The following CALCRL variants were observed in gnomAD, a reference collection of about 807,000 sequenced individuals.
CALCRL encodes calcitonin receptor like receptor.
A neutral mutation model predicts 60.4 loss-of-function variants in CALCRL; 27 were observed. The observed-to-expected ratio is 0.45, with a 90% CI of 0.33 to 0.62. CALCRL has a LOEUF of 0.62. CALCRL is among the 20% of genes least tolerant of loss of function. CALCRL has a pLI of 0.03. For synonymous variants in CALCRL, 190 were observed against 182.6 expected (o/e 1.04, Z -0.33); for missense variants, 424 against 540.7 (o/e 0.78, Z 2.14).
intron 8 of CALCRL, among the ~76,000 whole-genome samples, chr2:187,376,153 C>T (rs926552803): frequency 3.3e-5 from 5 of 152,068 alleles, no homozygotes; most frequent in African/African-American, 1.2e-4. Flanking sequence ...TAGCTATGAA[C>T]CCAGTATAGG....
intron 1 of CALCRL, among the ~76,000 whole-genome samples, chr2:187,420,475 A>T (rs1030574034): frequency 2.7e-4 from 41 of 151,902 alleles, no homozygotes; most frequent in Admixed American, 3.9e-4. Context: ...AAAGAAAAAA[A>T]TTTTTTTTAA....
At chr2:187,393,985 G>A (rs894470555) in intron 1 of CALCRL, among the ~76,000 whole-genome samples, 3 of 152,056 alleles carry the variant, frequency 2.0e-5, no homozygotes, top group Admixed American at 6.6e-5. Context: ...CTATGATTTA[G>A]GTTATGGATC....
intron 10 of CALCRL, among the ~76,000 whole-genome samples, chr2:187,360,255 G>T (rs1686992458): frequency 6.6e-6 from 1 of 151,886 alleles, no homozygotes; most frequent in Admixed American, 6.6e-5. Flanking sequence ...TTTACACGTG[G>T]CAAAAATGAA....
chr2:187,395,463 G>A (rs892828914), intron 1 of CALCRL, among the ~76,000 whole-genome samples: 10 of 151,938 alleles, frequency 6.6e-5, no homozygotes, highest in African/African-American at 4.8e-5. Context: ...ACTCATACTT[G>A]CCATTCTGGC....
intron 1 of CALCRL, among the ~76,000 whole-genome samples, chr2:187,427,495 G>A (rs1187833606): frequency 6.6e-6 from 1 of 152,022 alleles, no homozygotes; most frequent in African/African-American, 2.4e-5. Context: ...GATAAGTAAA[G>A]AATTTCATGA....
chr2:187,367,823 A>AAC (rs1687361014), intron 8 of CALCRL, among the ~76,000 whole-genome samples: 1 of 152,058 alleles, frequency 6.6e-6, no homozygotes, highest in Non-Finnish European at 1.5e-5. Context: ...TTTGTATTTC[A>AAC]TATTTTTTAC....
rs78419576 is a variant in CALCRL at position 187,431,882 on chromosome 2, T to C, written c.-293+16157A>G. Among the ~76,000 whole-genome samples the C allele has an allele frequency of 3.2e-3, 483 of 152,012 alleles. 3 individuals are homozygous for C. Among genetic ancestry groups the C allele is most frequent in the African/African-American group, 0.011 (457 of 41,484 alleles). On this transcript the variant is annotated intron_variant, in intron 1 of 14. Transcript: ENST00000392370. ...AAATGTATGATGGTGGTACACTAGA[T>C]AGAATAGTCACAAAAAGCATCTCTG...
At chr2:187,381,464 C>CTT (rs572106327) in intron 5 of CALCRL, among the ~76,000 whole-genome samples, 3 of 146,688 alleles carry the variant, frequency 2.0e-5, no homozygotes, top group African/African-American at 7.5e-5. Flanking sequence ...AAGTAATTTT[C>CTT]TTTTTTTTTT....
At position 187,352,117 on chromosome 2, in the gene CALCRL, G is replaced by T; in HGVS notation, c.1125C>A (p.Phe375Leu). ...CTTCTTATCAAGAATGCCATACCTGGAAGTGCATAAGGATGTGCATGATGT... is the reference window on the plus strand; with the variant it reads ...CTTCTTATCAAGAATGCCATACCTGTAAGTGCATAAGGATGTGCATGATGT... ...YDYIMHILMH[F>L]QGLLVSTIFC... is the part of the protein sequence containing the mutation. Residue 375 changes from phenylalanine to leucine, a missense_variant, in exon 13 of 15, where the codon TTC becomes TTA. Physicochemically the swap from Phe to Leu is conservative, Grantham distance 22. This residue lies in a region of CALCRL where 222 missense variants were observed against 265.6 expected (regional missense o/e 0.84). Coordinates refer to ENST00000392370, the MANE Select transcript of CALCRL (RefSeq NM_005795.6). 1 of 1,610,882 alleles carries T rather than the reference G, an allele frequency of 6.2e-7. No homozygotes were observed. The highest frequency in any genetic ancestry group is 1.1e-5 in the South Asian group (1 of 91,002).
At chr2:187,364,607 G>A (rs924287748) in intron 8 of CALCRL, among the ~76,000 whole-genome samples, 1 of 152,022 alleles carries the variant, frequency 6.6e-6, no homozygotes, top group Non-Finnish European at 1.5e-5. Flanking sequence ...ATCTTAAATA[G>A]ACTGTGTGCC....
At chr2:187,415,568 T>C (rs969367651) in intron 1 of CALCRL, 10 of 515,330 alleles carry the variant, frequency 1.9e-5, no homozygotes, top group Non-Finnish European at 3.2e-5. Context: ...GTGTCAGTGG[T>C]GGACCTGACC....
At chr2:187,417,068 G>A (rs967255185) in intron 1 of CALCRL, among the ~76,000 whole-genome samples, 2 of 152,008 alleles carry the variant, frequency 1.3e-5, no homozygotes, top group Non-Finnish European at 2.9e-5. Flanking sequence ...TGAGGGTGAA[G>A]CTCTCTTACT....
At chr2:187,416,138 G>A (rs921819279) in intron 1 of CALCRL, among the ~76,000 whole-genome samples, 3 of 152,110 alleles carry the variant, frequency 2.0e-5, no homozygotes, top group Non-Finnish European at 4.4e-5. Flanking sequence ...ACTAGGTAAC[G>A]CATATATTAA....
intron 1 of CALCRL, among the ~76,000 whole-genome samples, chr2:187,405,813 G>T (rs994692795): frequency 2.0e-5 from 3 of 152,000 alleles, no homozygotes; most frequent in African/African-American, 4.8e-5. Context: ...CAGAAAGTTT[G>T]TTAGTTTGGA....
At position 187,356,185 on chromosome 2, in the gene CALCRL, A is replaced by G. The variant is rs1289021055; in HGVS notation, c.909+2878T>C. On this transcript the variant is annotated intron_variant, in intron 12 of 14. Transcript: ENST00000392370. ...ATATGGAACCAAAAAAAGAGCCTGT[A>G]TAGCCAAGACTAAGCAATCCTAAAC... 2.0e-5 allele frequency among the ~76,000 whole-genome samples: 3 copies of G among 152,144 alleles called. 1 individual carries two copies. Among genetic ancestry groups the G allele is most frequent in the African/African-American group, 7.2e-5 (3 of 41,452 alleles).
chr2:187,383,155 C>G lies in CALCRL; in HGVS notation c.184+18G>C. ...AAAAATATGTCAAATGCATTTACAA[C>G]TAAGTAGCCATGCTTACCTTCTGCT... On this transcript the variant is annotated intron_variant, in intron 5 of 14. Transcript: ENST00000392370. 6.2e-7 allele frequency: 1 copy of G among 1,604,996 alleles called. No homozygotes were observed. The highest frequency in any genetic ancestry group is 8.5e-7 in the Non-Finnish European group (1 of 1,178,026).
chr2:187,354,969 C>T (rs746717861), intron 12 of CALCRL, among the ~76,000 whole-genome samples: 4 of 151,932 alleles, frequency 2.6e-5, no homozygotes, highest in East Asian at 1.9e-4. Context: ...GTAGCCCAAA[C>T]GATATATTAT....
At chr2:187,438,751 T>C (rs1430587049) in intron 1 of CALCRL, among the ~76,000 whole-genome samples, 4 of 152,194 alleles carry the variant, frequency 2.6e-5, no homozygotes, top group Non-Finnish European at 5.9e-5. Flanking sequence ...TTTACCCTAA[T>C]GTGAAAGGTC....
At position 187,415,645 on chromosome 2, in the gene CALCRL, C is replaced by T. The variant is rs186687063; in HGVS notation, c.-292-27889G>A. 119 of 616,376 alleles carry T rather than the reference C, an allele frequency of 1.9e-4. 1 individual carries two copies. In the East Asian group the frequency reaches 4.4e-3, roughly 23 times the overall value. The allele number at this position is 616,376 out of a possible 1,614,324, so 38.2% of individuals were successfully genotyped here. On this transcript the variant is annotated intron_variant, in intron 1 of 14. Coordinates refer to ENST00000392370, the MANE Select transcript of CALCRL (RefSeq NM_005795.6). The stretch of plus-strand genomic sequence containing the variant: ...GGTGGTGAACCAGGCATCGGAGGGC[C>T]CCCTCAAGGACATTCTGGGCTACAC...
Sources: gnomAD v4.1 joint callset for allele counts (sites outside exome capture counted in the v4.1 genomes callset) on GRCh38, gnomAD v4.1.1 for gene constraint, gnomAD v4.1.1 regional missense constraint, MANE v1.5 for transcripts, NCBI Gene and HGNC (gene_info 2026-07-23, HGNC 2026-07-21) for gene names.